The following ACBD4 variants were observed in gnomAD, a reference collection of about 807,000 sequenced individuals.
ACBD4 encodes acyl-CoA-binding domain-containing protein 4.
A neutral mutation model predicts 46.0 loss-of-function variants in ACBD4; 41 were observed. That is an observed-to-expected ratio of 0.89 (90% CI 0.69 to 1.16). ACBD4 has a LOEUF of 1.16. ACBD4 is among the 50% of genes most tolerant of loss of function. ACBD4 has a pLI of 0.00. For missense variants in ACBD4, 393 were observed against 399.5 expected (o/e 0.98, Z 0.14); for synonymous variants, 162 against 155.9 (o/e 1.04, Z -0.29).
At chr17:45,132,307 G>A (rs747234783), upstream of ACBD4, 17 of 1,256,368 alleles carry the variant, frequency 1.4e-5, no homozygotes, top group Non-Finnish European at 1.7e-5. The surrounding 1 kb of genome is among the most constrained non-coding windows in gnomAD (Gnocchi z 4.6). Context: ...GGGAGTCGGC[G>A]GGGACGGGAG....
At chr17:45,143,104 C>T (rs1454918467) in intron 9 of ACBD4, 5 of 212,328 alleles carry the variant, frequency 2.4e-5, no homozygotes, top group African/African-American at 4.6e-5. Flanking sequence ...TCTAGGTACC[C>T]AGGGTCCTCA....
chr17:45,132,405 C>A (rs1277657731), upstream of ACBD4: 10 of 1,220,272 alleles, frequency 8.2e-6, no homozygotes, highest in Non-Finnish European at 7.1e-6. The surrounding 1 kb of genome is among the most constrained non-coding windows in gnomAD (Gnocchi z 4.6). Context: ...AGCGGCCGCA[C>A]AGCATGGCTT....
chr17:45,132,360 C>T (rs1056619), upstream of ACBD4: 280,092 of 1,230,298 alleles, frequency 0.23, 33,176 homozygotes, highest in South Asian at 0.26. This position sits in a 1 kb window ranked among gnomAD's most constrained non-coding sequence, Gnocchi z 4.6. Context: ...GGGCGGCCAC[C>T]GGGGGCTCCT....
In ACBD4 at chr17:45,143,880, C is replaced by T; in HGVS notation, c.*309C>T. ...ATCGGGTCTCAGCCCCTGCCTTCCC[C>T]AGTCTCTGGGTCACCCGAATTTTCC... On this transcript the variant is annotated 3_prime_UTR_variant, in exon 10 of 10. Coordinates refer to ENST00000321854, the MANE Select transcript of ACBD4 (RefSeq NM_001135705.3). The T allele has an allele frequency of 4.7e-6, 2 of 424,718 alleles. No homozygotes were observed. The highest frequency in any genetic ancestry group is 2.0e-5 in the African/African-American group (1 of 49,036). The allele number at this position is 424,718 out of a possible 1,614,324, so 26.3% of individuals were successfully genotyped here.
At chr17:45,132,846 T>C (rs2054517279), upstream of ACBD4, among the ~76,000 whole-genome samples, 1 of 151,852 alleles carries the variant, frequency 6.6e-6, no homozygotes, top group African/African-American at 2.4e-5. This position sits in a 1 kb window ranked among gnomAD's most constrained non-coding sequence, Gnocchi z 4.6. Context: ...CCCTCCTCCT[T>C]CCCTTCCGCG....
chr17:45,138,813 C>CT (rs1431636105), intron 8 of ACBD4, among the ~76,000 whole-genome samples: 1 of 151,566 alleles, frequency 6.6e-6, no homozygotes, highest in Non-Finnish European at 1.5e-5. Flanking sequence ...AAGGTAATGA[C>CT]TTGATCTGTG....
chr17:45,134,966 C>T (rs563006168), upstream of ACBD4, among the ~76,000 whole-genome samples: 1 of 146,772 alleles, frequency 6.8e-6, no homozygotes, highest in South Asian at 2.2e-4. Context: ...GTCCATTTTG[C>T]TTACTCTTTT....
Position 45,143,432 on chromosome 17 carries a change from C to A in ACBD4, c.790-11C>A. On this transcript the variant is annotated splice_polypyrimidine_tract_variant and intron_variant, in intron 9 of 9. Coordinates refer to ENST00000321854, the MANE Select transcript of ACBD4 (RefSeq NM_001135705.3). ...TGGACTGGCCTCTGACTCCCTCCCT[C>A]TTGGCTGCAGAGGCCGCAGCCCAGG... The A allele has an allele frequency of 6.2e-7, 1 of 1,600,272 alleles. No homozygotes were observed. Among genetic ancestry groups the A allele is most frequent in the Non-Finnish European group, 8.5e-7 (1 of 1,176,200 alleles).
upstream of ACBD4, among the ~76,000 whole-genome samples, chr17:45,131,967 G>A (rs1485644474): frequency 6.6e-6 from 1 of 152,126 alleles, no homozygotes; most frequent in Non-Finnish European, 1.5e-5. Flanking sequence ...CATTCTCCTT[G>A]GAGACCCCAC....
intron 5 of ACBD4, 62 bp downstream of exon 5, chr17:45,137,201 G>A (rs750369210): frequency 6.1e-5 from 98 of 1,609,486 alleles, no homozygotes; most frequent in Non-Finnish European, 8.2e-5. Flanking sequence ...TCTAGGCTGA[G>A]GTGGGCTGGG....
chr17:45,137,535 C>T (rs1409590366), intron 6 of ACBD4, 81 bp downstream of exon 6: 2 of 1,501,070 alleles, frequency 1.3e-6, no homozygotes, highest in African/African-American at 1.4e-5. Flanking sequence ...CCACGCTGTG[C>T]CCTCCACAGA....
rs543543503 is a variant in ACBD4 at position 45,137,074 on chromosome 17, A to G, written c.350A>G (p.Glu117Gly). 2 of 1,614,080 alleles carry G rather than the reference A, an allele frequency of 1.2e-6. No homozygotes were observed. Among genetic ancestry groups the G allele is most frequent in the Non-Finnish European group, 1.7e-6 (2 of 1,179,996 alleles). ...GCAGAGGACATGTTTGGTTACTTCG[A>G]GCCCCTGTACCAGGTGATCCCTGAC... ...EVAEDMFGYF[E>G]PLYQVIPDMP... The change falls in exon 5 of 10, where the codon GAG becomes GGG. Residue 117 changes from glutamate (E) to glycine (G), a missense_variant. Glu to Gly is a moderately conservative substitution (Grantham distance 98). Coordinates refer to ENST00000321854, the MANE Select transcript of ACBD4 (RefSeq NM_001135705.3).
upstream of ACBD4, among the ~76,000 whole-genome samples, chr17:45,131,868 G>A (rs938086930): frequency 2.0e-5 from 3 of 152,296 alleles, no homozygotes; most frequent in Middle Eastern, 3.4e-3. Flanking sequence ...TCCTTCCTAA[G>A]GGCTGCCAAG....
At chr17:45,136,451 T>C in intron 2 of ACBD4, 49 bp from the exon 3 acceptor site, 3 of 1,585,156 alleles carry the variant, frequency 1.9e-6, no homozygotes, top group Non-Finnish European at 2.6e-6. Context: ...CCTCCGCCCC[T>C]TGGAGCTGGG....
At position 45,143,558 on chromosome 17, in the gene ACBD4, C is replaced by T. The variant is rs1203129180; in HGVS notation, c.905C>T (p.Thr302Ile). 1.9e-6 allele frequency: 3 copies of T among 1,614,096 alleles called. No individual in the cohort carries two copies. The highest frequency in any genetic ancestry group is 1.7e-6 in the Non-Finnish European group (2 of 1,180,010). The change falls in exon 10 of 10, where the codon ACC becomes ATC. Residue 302 changes from threonine (T) to isoleucine (I), a missense_variant. Thr to Ile is a moderately conservative substitution (Grantham distance 89). Coordinates refer to ENST00000321854, the MANE Select transcript of ACBD4 (RefSeq NM_001135705.3). Reference sequence around the variant, plus strand: ...CAGTGGCTCTTCCGAATGTTTCGGACCCAAAAGAGGTGACTGTCAGTGGAG... The same window carrying T: ...CAGTGGCTCTTCCGAATGTTTCGGATCCAAAAGAGGTGACTGTCAGTGGAG... The part of the protein sequence containing the change: ...VVQWLFRMFR[T>I]QKR
rs748064893 is a variant in ACBD4, at chr17:45,143,418, C to CT, written c.790-24dup. ...GCTGTGCTGAGGCCTGGACTGGCCTCTGACTCCCTCCCTCTTGGCTGCAGA... is the reference window on the plus strand; with the variant it reads ...GCTGTGCTGAGGCCTGGACTGGCCTCTTGACTCCCTCCCTCTTGGCTGCAGA... On this transcript the variant is annotated intron_variant, in intron 9 of 9. Transcript: ENST00000321854. 3 of 1,587,334 alleles carry CT rather than the reference C, an allele frequency of 1.9e-6. No individual in the cohort carries two copies. In the South Asian group the frequency reaches 3.4e-5, roughly 18 times the overall value.
chr17:45,133,726 T>G (rs1447784321), upstream of ACBD4, among the ~76,000 whole-genome samples: 964 of 150,706 alleles, frequency 6.4e-3, 13 homozygotes, highest in African/African-American at 0.022. Context: ...AGAGACGGGG[T>G]TTCACCGTTT....
chr17:45,139,508 C>T (rs139488124), intron 9 of ACBD4, among the ~76,000 whole-genome samples: 1 of 152,302 alleles, frequency 6.6e-6, no homozygotes, highest in Non-Finnish European at 1.5e-5. Context: ...GACTTCCATT[C>T]CCAGAATTAG....
chr17:45,142,848 A>G (rs1365671379), intron 9 of ACBD4: 1 of 153,308 alleles, frequency 6.5e-6, no homozygotes, highest in Non-Finnish European at 1.5e-5. Flanking sequence ...GAGCCATCCC[A>G]CCCGGTCTGC....
Sources: gnomAD v4.1 joint callset for allele counts (sites outside exome capture counted in the v4.1 genomes callset) on GRCh38, gnomAD v4.1.1 for gene constraint, Gnocchi (gnomAD v3.1) non-coding constraint, MANE v1.5 for transcripts, NCBI Gene and HGNC (gene_info 2026-07-23, HGNC 2026-07-21) for gene names.